Variants in ABCB7 observed in about 807,000 individuals in gnomAD.
ABCB7 encodes ATP binding cassette subfamily B member 7, also known as iron-sulfur clusters transporter ABCB7, mitochondrial.
A neutral mutation model predicts 54.4 loss-of-function variants in ABCB7; 7 were observed. The observed-to-expected ratio is 0.13, with a 90% CI of 0.07 to 0.24. The LOEUF is 0.24. Ranked by LOEUF, ABCB7 falls within the 10% of genes least tolerant of loss-of-function variation. ABCB7 has a pLI of 1.00. For missense variants in ABCB7, 356 were observed against 570.4 expected (o/e 0.62, Z 3.83); for synonymous variants, 218 against 207.1 (o/e 1.05, Z -0.45).
intron 4 of ABCB7, among the ~76,000 whole-genome samples, chrX:75,090,821 A>G (rs1344146034): frequency 9.0e-6 from 1 of 111,405 alleles, no homozygotes; most frequent in Non-Finnish European, 1.9e-5. Flanking sequence ...GAAAATTAAA[A>G]GATAATTGAG....
At chrX:75,112,520 G>A (rs1355084266) in intron 3 of ABCB7, among the ~76,000 whole-genome samples, 3 of 111,610 alleles carry the variant, frequency 2.7e-5, no homozygotes, top group Non-Finnish European at 5.6e-5. Context: ...TTCTCTAAGT[G>A]TATAGAAGGG....
intron 3 of ABCB7, among the ~76,000 whole-genome samples, chrX:75,102,117 G>T (rs2081645438): frequency 9.0e-6 from 1 of 111,240 alleles, no homozygotes; most frequent in Non-Finnish European, 1.9e-5. Context: ...TGAATGTACA[G>T]AATATGTAAT....
intron 9 of ABCB7, among the ~76,000 whole-genome samples, chrX:75,070,946 A>AAAC (rs200157743): frequency 2.7e-5 from 3 of 109,953 alleles, no homozygotes; most frequent in South Asian, 4.0e-4. Flanking sequence ...AAACAAAATG[A>AAAC]AACAACAACA....
Position 75,065,188 on chromosome X carries a change from G to A in ABCB7, c.1713C>T (p.Ile571=). Residue 571 remains isoleucine, a synonymous_variant, in exon 13 of 16, where the codon ATC becomes ATT. Transcript: ENST00000373394. ...CATACACTTCCTCAGGTGAAGCACT[G>A]ATGTTTCCATATAAGAGGTTGTAAT... ...TIYYNLLYGN[I]SASPEEVYAV... 1.7e-6 allele frequency: 2 copies of A among 1,209,594 alleles called. No homozygotes were observed. The highest frequency in any genetic ancestry group is 2.2e-6 in the Non-Finnish European group (2 of 893,762).
rs2081414502 is a variant in ABCB7 at position 75,076,794 on chromosome X, A to G, written c.454-140T>C. The G allele has an allele frequency of 2.8e-6, 2 of 706,473 alleles. 1 individual carries two copies. Among genetic ancestry groups the G allele is most frequent in the African/African-American group, 4.3e-5 (2 of 46,588 alleles). The allele number at this position is 706,473 out of a possible 1,213,427, so 58.2% of individuals were successfully genotyped here. A position where few individuals can be genotyped will look rare whatever the true frequency, so the allele number is the denominator to read the frequency against. ...GGTATTAGAGTGATTTTCCCCATTC[A>G]TAAAGACAACATCTTTGACATTGGG... On this transcript the variant is annotated intron_variant, in intron 4 of 15. Coordinates refer to ENST00000373394, the MANE Select transcript of ABCB7 (RefSeq NM_001271696.3).
intron 15 of ABCB7, among the ~76,000 whole-genome samples, chrX:75,057,132 A>T (rs919654346): frequency 1.5e-4 from 17 of 111,979 alleles, no homozygotes; most frequent in Non-Finnish European, 3.0e-4. Flanking sequence ...TCAAAAGTAA[A>T]AGAAATATTA....
chrX:75,102,163 G>A (rs1340831111), intron 3 of ABCB7, among the ~76,000 whole-genome samples: 1 of 110,689 alleles, frequency 9.0e-6, no homozygotes, highest in Non-Finnish European at 1.9e-5. Context: ...CTATCTCCTT[G>A]AGTATTTATC....
At chrX:75,151,224 G>A (rs756507919) in intron 1 of ABCB7, among the ~76,000 whole-genome samples, 7 of 111,542 alleles carry the variant, frequency 6.3e-5, no homozygotes, top group African/African-American at 2.3e-4. Context: ...CTTAGAGAAT[G>A]TTATTTATTC....
chrX:75,140,537 TCTTTA>T (rs1311159263), intron 1 of ABCB7, among the ~76,000 whole-genome samples: 1 of 111,534 alleles, frequency 9.0e-6, no homozygotes, highest in Non-Finnish European at 1.9e-5. Context: ...AAAAAAGAGA[TCTTTA>T]CTTAATACCA....
At chrX:75,085,908 A>G (rs6647625) in intron 4 of ABCB7, among the ~76,000 whole-genome samples, 3,077 of 109,158 alleles carry the variant, frequency 0.028, 111 homozygotes, top group African/African-American at 0.099. Flanking sequence ...GTGCAGTGGC[A>G]TGATCTCGGC....
rs2081984194 is a variant in ABCB7, at chrX:75,132,759, T to C, written c.169-17928A>G. 2.7e-5 allele frequency among the ~76,000 whole-genome samples: 3 copies of C among 112,631 alleles called. No individual in the cohort carries two copies. The Admixed American group carries it at 2.8e-4, about 11-fold the overall frequency. ...AATACCTTGCTAAAATACTCTGCTA[T>C]GAAACCAAGAACAAGAATTCAGCCA... On this transcript the variant is annotated intron_variant, in intron 1 of 15. Transcript: ENST00000373394.
intron 12 of ABCB7, 43 bp from the exon 13 acceptor site, chrX:75,065,284 A>C (rs974533527): frequency 3.7e-6 from 4 of 1,072,398 alleles, no homozygotes; most frequent in East Asian, 3.3e-5. Context: ...ATATCTATAT[A>C]TCTCTCTCTA....
At chrX:75,113,878 C>T (rs1320063163) in intron 2 of ABCB7, among the ~76,000 whole-genome samples, 2 of 112,026 alleles carry the variant, frequency 1.8e-5, no homozygotes, top group East Asian at 2.8e-4. Flanking sequence ...AATCTCAAAG[C>T]ACTTTGTAAA....
chrX:75,096,681 C>T (rs1052403869), intron 4 of ABCB7, among the ~76,000 whole-genome samples: 2 of 111,319 alleles, frequency 1.8e-5, no homozygotes. Context: ...GTACCTAAAA[C>T]TTAACATGTC....
At chrX:75,132,104 T>G (rs1338892649) in intron 1 of ABCB7, among the ~76,000 whole-genome samples, 4 of 111,399 alleles carry the variant, frequency 3.6e-5, no homozygotes, top group African/African-American at 1.3e-4. Flanking sequence ...TTCCCATTGT[T>G]AGTGGCTCTG....
intron 15 of ABCB7, among the ~76,000 whole-genome samples, chrX:75,057,644 T>C (rs1263838245): frequency 8.9e-6 from 1 of 111,860 alleles, no homozygotes; most frequent in Non-Finnish European, 1.9e-5. Context: ...GAATAGAGCA[T>C]TGAAAGGCTG....
At chrX:75,138,957 G>A (rs928993373) in intron 1 of ABCB7, among the ~76,000 whole-genome samples, 1 of 102,365 alleles carries the variant, frequency 9.8e-6, no homozygotes, top group African/African-American at 3.7e-5. Context: ...GCAGTGAGCC[G>A]AGATAGAGCC....
intron 1 of ABCB7, among the ~76,000 whole-genome samples, chrX:75,144,482 G>A (rs2082077301): frequency 9.1e-6 from 1 of 110,470 alleles, no homozygotes; most frequent in Admixed American, 9.6e-5. Flanking sequence ...TTCTAATCCT[G>A]GTGAAAACCA....
At chrX:75,094,233 C>A (rs1301556057) in intron 4 of ABCB7, among the ~76,000 whole-genome samples, 2 of 109,284 alleles carry the variant, frequency 1.8e-5, no homozygotes, top group Non-Finnish European at 3.8e-5. Flanking sequence ...CTTTAACTTC[C>A]TTTGCCCCCA....
Sources: gnomAD v4.1 joint callset for allele counts (sites outside exome capture counted in the v4.1 genomes callset) on GRCh38, gnomAD v4.1.1 for gene constraint, MANE v1.5 for transcripts, NCBI Gene and HGNC (gene_info 2026-07-23, HGNC 2026-07-21) for gene names.